Variants in PCDH15 observed in about 807,000 individuals in gnomAD.
The protein encoded by PCDH15 is protocadherin related 15.
Under a neutral mutation model 178.5 loss-of-function variants are expected in PCDH15, and 129 were observed. The ratio of observed to expected loss-of-function variants is 0.72; its 90% CI spans 0.63 to 0.84. The LOEUF is 0.84. PCDH15 is among the 40% of genes least tolerant of loss of function. The pLI, the probability that PCDH15 is intolerant of heterozygous loss-of-function variation, is 0.00. For synonymous variants in PCDH15, 800 were observed against 732.0 expected (o/e 1.09, Z -1.50); for missense variants, 2,230 against 2,099.9 (o/e 1.06, Z -1.21).
chr10:54,160,917 G>T (rs1320007275), intron 13 of PCDH15, among the ~76,000 whole-genome samples: 1 of 152,072 alleles, frequency 6.6e-6, no homozygotes, highest in African/African-American at 2.4e-5. Flanking sequence ...GGATGTAGTG[G>T]GTGGTAAAAT....
intron 2 of PCDH15, among the ~76,000 whole-genome samples, chr10:54,594,432 C>T (rs1401881904): frequency 6.6e-6 from 1 of 152,138 alleles, no homozygotes; most frequent in Non-Finnish European, 1.5e-5. Context: ...GCTGTCTTCT[C>T]TTTGGGCCCC....
chr10:55,407,155 T>C (rs1040600824), intron 2 of PCDH15, among the ~76,000 whole-genome samples: 1 of 151,434 alleles, frequency 6.6e-6, no homozygotes, highest in Admixed American at 6.6e-5. Context: ...GATGGTTTTG[T>C]AGAAAATGTG....
chr10:55,110,601 C>T (rs1837476930), intron 2 of PCDH15, among the ~76,000 whole-genome samples: 1 of 151,494 alleles, frequency 6.6e-6, no homozygotes, highest in Non-Finnish European at 1.5e-5. Context: ...TACTAATAAA[C>T]CCTCATTTAA....
At chr10:54,369,096 G>C (rs201970156) in intron 5 of PCDH15, 24 bp downstream of exon 5, 22 of 1,610,230 alleles carry the variant, frequency 1.4e-5, no homozygotes, top group Non-Finnish European at 1.9e-5. Context: ...AGAAAGGACA[G>C]AGAGAGAGTA....
At chr10:55,427,742 G>T (rs1992817) in intron 2 of PCDH15, among the ~76,000 whole-genome samples, 30,338 of 152,028 alleles carry the variant, frequency 0.2, 4,005 homozygotes, top group Non-Finnish European at 0.29. Context: ...ATCTTATTCT[G>T]TCCAAATTCA....
intron 3 of PCDH15, among the ~76,000 whole-genome samples, chr10:54,443,457 A>G (rs2075961857): frequency 6.6e-6 from 1 of 151,492 alleles, no homozygotes; most frequent in South Asian, 2.1e-4. Context: ...ACTTAGATAC[A>G]TTATTCATGT....
intron 2 of PCDH15, among the ~76,000 whole-genome samples, chr10:54,984,798 C>T (rs1022970582): frequency 6.6e-6 from 1 of 152,178 alleles, no homozygotes; most frequent in African/African-American, 2.4e-5. Context: ...ATTCATATCA[C>T]TGCAGTCCAG....
chr10:54,912,327 T>C (rs1325735947), intron 2 of PCDH15, among the ~76,000 whole-genome samples: 1 of 152,048 alleles, frequency 6.6e-6, no homozygotes, highest in African/African-American at 2.4e-5. Context: ...ATTTCCAGTG[T>C]TGGAGGGCCT....
intron 2 of PCDH15, among the ~76,000 whole-genome samples, chr10:55,561,229 A>C (rs571913838): frequency 2.2e-4 from 33 of 151,990 alleles, no homozygotes; most frequent in Non-Finnish European, 2.9e-4. Context: ...TTTTCACATC[A>C]CTAAACATTT....
chr10:55,332,951 T>C (rs1205050531), intron 2 of PCDH15, among the ~76,000 whole-genome samples: 2 of 152,142 alleles, frequency 1.3e-5, no homozygotes, highest in African/African-American at 4.8e-5. Context: ...CTGCTTTTCC[T>C]TTATAAGATG....
chr10:53,821,707 A>ATATCT, intron 32 of PCDH15: 2 of 1,460,076 alleles, frequency 1.4e-6, no homozygotes, highest in South Asian at 2.8e-5. Context: ...GATGAGGTTA[A>ATATCT]TATCTTTTTA....
At chr10:54,612,639 C>T (rs2093001030) in intron 2 of PCDH15, among the ~76,000 whole-genome samples, 1 of 151,386 alleles carries the variant, frequency 6.6e-6, no homozygotes, top group African/African-American at 2.4e-5. Flanking sequence ...ATATTCTAAA[C>T]TATGTTATAA....
chr10:55,510,378 T>C (rs2132150668), intron 2 of PCDH15, among the ~76,000 whole-genome samples: 1 of 152,068 alleles, frequency 6.6e-6, no homozygotes, highest in East Asian at 1.9e-4. Context: ...TATAAAGGGA[T>C]TGTGAAAGTA....
chr10:55,055,316 A>G (rs1841270153), intron 2 of PCDH15, among the ~76,000 whole-genome samples: 1 of 152,214 alleles, frequency 6.6e-6, no homozygotes, highest in African/African-American at 2.4e-5. Flanking sequence ...TGTAAGAAGT[A>G]GTAACTCAGA....
chr10:54,093,024 TTATTA>T (rs1464771657), intron 15 of PCDH15, among the ~76,000 whole-genome samples: 2 of 152,190 alleles, frequency 1.3e-5, no homozygotes, highest in East Asian at 3.9e-4. Context: ...ATCGAATCTT[TTATTA>T]TATCAGATCT....
intron 3 of PCDH15, among the ~76,000 whole-genome samples, chr10:54,442,929 T>A (rs2075919785): frequency 6.6e-6 from 1 of 151,658 alleles, no homozygotes; most frequent in Non-Finnish European, 1.5e-5. Context: ...GTCTTCCAAC[T>A]TCTGAAGTAT....
intron 26 of PCDH15, 21 bp from the exon 27 acceptor site, chr10:53,866,878 A>AT: frequency 6.6e-7 from 1 of 1,514,102 alleles, no homozygotes; most frequent in Non-Finnish European, 9.2e-7. Flanking sequence ...GGGAAAAAAA[A>AT]AGAGATTATA....
At chr10:54,805,226 T>A (rs533147850), upstream of PCDH15, among the ~76,000 whole-genome samples, 1 of 151,820 alleles carries the variant, frequency 6.6e-6, no homozygotes, top group East Asian at 2.0e-4. Flanking sequence ...CTGGAGTCAA[T>A]AGGAACTGCA....
chr10:55,323,343 AG>A (rs1018770234), upstream of PCDH15, among the ~76,000 whole-genome samples: 9 of 152,202 alleles, frequency 5.9e-5, no homozygotes, highest in African/African-American at 2.2e-4. Flanking sequence ...AGCTGTGAGA[AG>A]AGGGCCATTG....
Sources: allele counts gnomAD v4.1 joint callset (sites outside exome capture counted in the v4.1 genomes callset), GRCh38; gene constraint gnomAD v4.1.1; transcripts MANE v1.5; gene names NCBI Gene and HGNC (gene_info 2026-07-23, HGNC 2026-07-21).